THSD7B: variants seen among roughly 807,000 people sequenced by gnomAD.
The protein encoded by THSD7B is thrombospondin type-1 domain-containing protein 7B.
THSD7B carries 138 observed loss-of-function variants against 213.6 expected under a neutral mutation model. That is an observed-to-expected ratio of 0.65 (90% CI 0.56 to 0.74). THSD7B has a LOEUF of 0.74. Ranked by LOEUF, THSD7B falls within the 30% of genes least tolerant of loss-of-function variation. THSD7B has a pLI of 0.00. For missense variants in THSD7B, 1,931 were observed against 1,991.5 expected (o/e 0.97, Z 0.58); for synonymous variants, 742 against 687.0 (o/e 1.08, Z -1.25).
chr2:136,924,153 A>G (rs1030931595), intron 2 of THSD7B, among the ~76,000 whole-genome samples: 4 of 152,072 alleles, frequency 2.6e-5, no homozygotes, highest in African/African-American at 9.7e-5. Context: ...CTCTGTCACC[A>G]AGGGTGCAAC....
At chr2:137,285,204 C>G (rs1683139572) in intron 12 of THSD7B, among the ~76,000 whole-genome samples, 1 of 152,172 alleles carries the variant, frequency 6.6e-6, no homozygotes, top group African/African-American at 2.4e-5. Flanking sequence ...TCTGTTTTAT[C>G]AGAGACTAGG....
chr2:137,071,932 A>G (rs1029385386), intron 3 of THSD7B, among the ~76,000 whole-genome samples: 1 of 152,034 alleles, frequency 6.6e-6, no homozygotes, highest in African/African-American at 2.4e-5. Context: ...ATGCGGCATT[A>G]TTTCTGAGGG....
intron 1 of THSD7B, among the ~76,000 whole-genome samples, chr2:136,835,196 G>A (rs1215457957): frequency 6.6e-6 from 1 of 152,032 alleles, no homozygotes; most frequent in Non-Finnish European, 1.5e-5. Context: ...AAACTGACAG[G>A]TCATACAACA....
At position 137,272,941 on chromosome 2, in the gene THSD7B, C is replaced by T. The variant is rs180707774; in HGVS notation, c.2396+279C>T. Among the ~76,000 whole-genome samples, 175 of 150,648 alleles carry T rather than the reference C, an allele frequency of 1.2e-3. 1 individual carries two copies. Among genetic ancestry groups the T allele is most frequent in the African/African-American group, 4.0e-3 (166 of 41,060 alleles). ...GGCAGTCCATTTTCAGGATCATGTT[C>T]GAAAGAGATTCAGGATGAGATTTTT... On this transcript the variant is annotated intron_variant, in intron 11 of 27. Transcript: ENST00000409968.
In THSD7B at chr2:137,224,523, C is replaced by G. The variant is rs1412065085; in HGVS notation, c.1724-6521C>G. Among the ~76,000 whole-genome samples the G allele has an allele frequency of 2.0e-5, 3 of 152,168 alleles. No individual in the cohort carries two copies. In the East Asian group the frequency reaches 5.8e-4, roughly 29 times the overall value. On this transcript the variant is annotated intron_variant, in intron 7 of 27. Transcript: ENST00000409968. ...TAAATGAATTAATATAGGTGATTTA[C>G]TTGGGGCAGAAACTGACATCTATTA...
At chr2:137,348,881 T>C (rs1440638867) in intron 12 of THSD7B, among the ~76,000 whole-genome samples, 1 of 151,436 alleles carries the variant, frequency 6.6e-6, no homozygotes, top group Non-Finnish European at 1.5e-5. Flanking sequence ...AGTATATACC[T>C]GGATGACAGG....
intron 4 of THSD7B, 98 bp from the exon 5 acceptor site, chr2:137,115,024 AAG>A: frequency 5.9e-6 from 8 of 1,357,916 alleles, no homozygotes; most frequent in Non-Finnish European, 8.2e-6. Context: ...TGGCCCTAGA[AAG>A]AGAGATTATG....
At chr2:137,514,353 A>T (rs886357850) in intron 15 of THSD7B, among the ~76,000 whole-genome samples, 4 of 152,152 alleles carry the variant, frequency 2.6e-5, no homozygotes, top group Admixed American at 6.5e-5. Flanking sequence ...GGAGAGATTA[A>T]ACTGGCTTAG....
At chr2:137,289,801 A>G (rs931358309) in intron 12 of THSD7B, among the ~76,000 whole-genome samples, 1 of 151,244 alleles carries the variant, frequency 6.6e-6, no homozygotes. Flanking sequence ...GAAAAAAGAG[A>G]AAAAAAAAGA....
chr2:137,633,111 A>T (rs1464934218), intron 20 of THSD7B, among the ~76,000 whole-genome samples: 1 of 152,196 alleles, frequency 6.6e-6, no homozygotes, highest in East Asian at 1.9e-4. Context: ...AATAGCCTTG[A>T]TCCCAAATCT....
chr2:137,609,507 A>G (rs1266889079), intron 17 of THSD7B, among the ~76,000 whole-genome samples: 1 of 152,196 alleles, frequency 6.6e-6, no homozygotes, highest in Non-Finnish European at 1.5e-5. Flanking sequence ...GGGCAAGGAA[A>G]TGCTTGGAGC....
intron 15 of THSD7B, among the ~76,000 whole-genome samples, chr2:137,526,812 G>A (rs886853552): frequency 1.3e-5 from 2 of 152,136 alleles, no homozygotes; most frequent in South Asian, 4.1e-4. Flanking sequence ...TTTTGAATAA[G>A]AGGGTATTGG....
chr2:136,828,466 C>T (rs1485107271), intron 1 of THSD7B, among the ~76,000 whole-genome samples: 1 of 152,144 alleles, frequency 6.6e-6, no homozygotes, highest in Non-Finnish European at 1.5e-5. Context: ...AATATCTCCC[C>T]ATATCTGCTC....
intron 26 of THSD7B, among the ~76,000 whole-genome samples, chr2:137,665,110 G>A (rs994866795): frequency 3.9e-5 from 6 of 152,156 alleles, no homozygotes; most frequent in Non-Finnish European, 7.3e-5. Flanking sequence ...ATGTGTCTGG[G>A]AATGCCAAAG....
chr2:136,825,607 T>G (rs933222760), intron 1 of THSD7B, among the ~76,000 whole-genome samples: 10 of 152,112 alleles, frequency 6.6e-5, no homozygotes, highest in African/African-American at 2.4e-4. Flanking sequence ...CAGGCTGGAG[T>G]GCAGTGGCGC....
chr2:136,877,081 A>G (rs1433782738), intron 1 of THSD7B, among the ~76,000 whole-genome samples: 1 of 136,740 alleles, frequency 7.3e-6, no homozygotes, highest in Non-Finnish European at 1.6e-5. Flanking sequence ...GTGCGCCCGT[A>G]TGTGCATAGA....
chr2:136,863,261 T>G (rs1463719880), intron 1 of THSD7B, among the ~76,000 whole-genome samples: 4 of 152,262 alleles, frequency 2.6e-5, no homozygotes, highest in African/African-American at 9.6e-5. Context: ...ATGTCCCCCT[T>G]GTTTTCACCG....
intron 1 of THSD7B, among the ~76,000 whole-genome samples, chr2:136,860,776 T>C (rs1683246611): frequency 1.3e-5 from 2 of 152,362 alleles, no homozygotes; most frequent in East Asian, 1.9e-4. Flanking sequence ...ATGACGTCAC[T>C]GTTCTGTTCA....
chr2:137,274,988 G>C (rs1217259035), intron 11 of THSD7B, among the ~76,000 whole-genome samples: 1 of 151,952 alleles, frequency 6.6e-6, no homozygotes, highest in East Asian at 1.9e-4. Flanking sequence ...TTTTGAAGTA[G>C]TTATCAGAGG....
Sources: gnomAD v4.1 joint callset for allele counts (sites outside exome capture counted in the v4.1 genomes callset) on GRCh38, gnomAD v4.1.1 for gene constraint, MANE v1.5 for transcripts, NCBI Gene and HGNC (gene_info 2026-07-23, HGNC 2026-07-21) for gene names.